CLPP: variants seen among roughly 807,000 people sequenced by gnomAD.
CLPP encodes ATP-dependent Clp protease proteolytic subunit, mitochondrial.
CLPP carries 14 observed loss-of-function variants against 27.4 expected under a neutral mutation model. The observed-to-expected ratio is 0.51, with a 90% CI of 0.34 to 0.80. The LOEUF (loss-of-function observed/expected upper bound fraction) is 0.80. CLPP is among the 30% of genes least tolerant of loss of function. The pLI, the probability that CLPP is intolerant of heterozygous loss-of-function variation, is 0.02. For missense variants in CLPP, 361 were observed against 403.6 expected, an observed-to-expected ratio of 0.89 and a Z score of 0.90; for synonymous variants, 193 against 166.6, an observed-to-expected ratio of 1.16 and a Z score of -1.22.
chr19:6,362,598 C>A, intron 3 of CLPP, 56 bp downstream of exon 3: 2 of 1,186,530 alleles, frequency 1.7e-6, no homozygotes, highest in Non-Finnish European at 1.3e-6. Context: ...ACGGGTGACT[C>A]AGGGGACCAG....
chr19:6,367,371 T>A (rs2091867827), intron 5 of CLPP, among the ~76,000 whole-genome samples: 1 of 128,234 alleles, frequency 7.8e-6, no homozygotes. Flanking sequence ...TGAGACCCTG[T>A]CTCAAAAAAA....
In CLPP at chr19:6,369,829, T is replaced by C. The variant is rs1490412036; in HGVS notation, c.*1119T>C. Reference sequence around the variant, plus strand: ...AAAAGTGGAGGTGATTGAGAATAGATCATAAAAGGCCTGACATCTAAAAGG... The same window carrying C: ...AAAAGTGGAGGTGATTGAGAATAGACCATAAAAGGCCTGACATCTAAAAGG... On this transcript the variant is annotated 3_prime_UTR_variant, in exon 6 of 6. Transcript: ENST00000245816. 1.3e-5 allele frequency among the ~76,000 whole-genome samples: 2 copies of C among 149,720 alleles called. No homozygotes were observed. The highest frequency in any genetic ancestry group is 3.0e-5 in the Non-Finnish European group (2 of 67,670).
chr19:6,366,112 C>T (rs1318120404), intron 4 of CLPP, 146 bp from the exon 5 acceptor site: 27 of 607,296 alleles, frequency 4.4e-5, no homozygotes, highest in South Asian at 2.8e-4. Flanking sequence ...AGCAGGATAT[C>T]GGGGGATTTA....
chr19:6,362,018 G>T, intron 2 of CLPP, 78 bp downstream of exon 2: 1 of 1,356,680 alleles, frequency 7.4e-7, no homozygotes, highest in South Asian at 1.2e-5. Flanking sequence ...TCCTTCCCTG[G>T]CCCCAGACTT....
chr19:6,362,865 A>C (rs1461346762), intron 3 of CLPP, among the ~76,000 whole-genome samples: 1 of 151,948 alleles, frequency 6.6e-6, no homozygotes, highest in South Asian at 2.1e-4. Flanking sequence ...AGGCGGGCGG[A>C]TTGCTCGAGC....
Position 6,364,439 on chromosome 19 carries a change from C to G in CLPP, c.368-13C>G. 6.3e-7 allele frequency: 1 copy of G among 1,599,210 alleles called. No individual in the cohort carries two copies. Among genetic ancestry groups the G allele is most frequent in the Non-Finnish European group, 8.5e-7 (1 of 1,174,682 alleles). On this transcript the variant is annotated splice_polypyrimidine_tract_variant and intron_variant, in intron 3 of 5. Coordinates refer to ENST00000245816, the MANE Select transcript of CLPP (RefSeq NM_006012.4). ...GAGCTGGTCCAGCCCCTCACTTGCT[C>G]CCCCGCCCACAGGTGGTGTGGTGAC...
chr19:6,367,258 C>T (rs1568323199), intron 5 of CLPP, among the ~76,000 whole-genome samples: 1 of 151,436 alleles, frequency 6.6e-6, no homozygotes, highest in African/African-American at 2.4e-5. Context: ...GCCTGTAATC[C>T]CAGCTACTGA....
rs1396087436 is a variant in CLPP at position 6,364,617 on chromosome 19, A to G, written c.533A>G (p.His178Arg). Residue 178 changes from histidine (H) to arginine (R), a missense_variant, in exon 4 of 6, where the codon CAC (histidine) becomes CGC (arginine). Physicochemically the swap from His to Arg is conservative, Grantham distance 29 (BLOSUM62 0). Transcript: ENST00000245816. ...HSLPNSRIMIHQPSGGARGQA... is the reference protein window; with the variant it reads ...HSLPNSRIMIRQPSGGARGQA... ...CTCCCCAACTCCCGTATCATGATCC[A>G]CCAGCCCTCAGGAGGCGCCCGGGTG... 4 of 1,611,642 alleles carry G rather than the reference A, an allele frequency of 2.5e-6. No individual in the cohort carries two copies. Among genetic ancestry groups the G allele is most frequent in the Admixed American group, 3.3e-5 (2 of 59,930 alleles).
chr19:6,364,646 G>C lies in CLPP; in HGVS notation c.555+7G>C. 1 of 1,605,214 alleles carries C rather than the reference G, an allele frequency of 6.2e-7. No homozygotes were observed. ...GCCCTCAGGAGGCGCCCGGGTGAGT[G>C]CCAGACACGCGAGCTGCTGTTGGGA... On this transcript the variant is annotated splice_region_variant and intron_variant, in intron 4 of 5. Coordinates refer to ENST00000245816, the MANE Select transcript of CLPP (RefSeq NM_006012.4).
chr19:6,361,601 G>T lies in CLPP; in HGVS notation c.27G>T (p.Gly9=), dbSNP rs2091833502. 2.1e-6 allele frequency: 3 copies of T among 1,413,264 alleles called. No individual in the cohort carries two copies. The highest frequency in any genetic ancestry group is 3.1e-5 in the Admixed American group (1 of 32,244). 87.5% of individuals were successfully genotyped at this position (1,413,264 alleles called of 1,614,324 possible). Residue 9 remains glycine, a synonymous_variant, in exon 1 of 6, where the codon GGG becomes GGT. Transcript: ENST00000245816. ...TGTGGCCCGGAATATTGGTAGGGGGGGCCCGGGTGGCGTCATGCAGGTACC... is the reference window on the plus strand; with the variant it reads ...TGTGGCCCGGAATATTGGTAGGGGGTGCCCGGGTGGCGTCATGCAGGTACC... The part of the protein sequence containing the change: MWPGILVG[G]ARVASCRYPA...
chr19:6,368,263 C>T (rs934268785), intron 5 of CLPP, among the ~76,000 whole-genome samples: 5 of 152,162 alleles, frequency 3.3e-5, no homozygotes, highest in South Asian at 2.1e-4. Flanking sequence ...TGCAGACGGC[C>T]GCCTTCTCGC....
intron 5 of CLPP, among the ~76,000 whole-genome samples, chr19:6,367,544 G>A (rs1034804452): frequency 7.9e-5 from 12 of 151,962 alleles, no homozygotes; most frequent in Non-Finnish European, 1.2e-4. Flanking sequence ...GGTATGGGGA[G>A]GGGGTGGCAA....
chr19:6,363,545 C>T (rs2091846937), intron 3 of CLPP, among the ~76,000 whole-genome samples: 1 of 152,146 alleles, frequency 6.6e-6, no homozygotes. Context: ...GGCCGTGTCA[C>T]TTGTTTTTGT....
chr19:6,361,679 G>A lies in CLPP; in HGVS notation c.105G>A (p.Gln35=). The A allele has an allele frequency of 6.9e-7, 1 of 1,445,644 alleles. No homozygotes were observed. Among genetic ancestry groups the A allele is most frequent in the Non-Finnish European group, 9.1e-7 (1 of 1,100,964 alleles). 89.6% of individuals were successfully genotyped at this position (1,445,644 alleles called of 1,614,324 possible). The change falls in exon 1 of 6, where the codon CAG becomes CAA. Residue 35 remains glutamine, a synonymous_variant. Transcript: ENST00000245816. ...ACTTTCCAGCGCAGCGGCCGCCGCA[G>A]CGGACACTCCAGAACGGCCTGGCCC... ...AAHFPAQRPP[Q]RTLQNGLALQ... is the part of the protein sequence containing the mutation.
At chr19:6,367,640 G>T (rs1276801087) in intron 5 of CLPP, among the ~76,000 whole-genome samples, 1 of 151,806 alleles carries the variant, frequency 6.6e-6, no homozygotes, top group African/African-American at 2.4e-5. Context: ...GTCCTGTAGG[G>T]TATGTTCAGT....
At position 6,366,285 on chromosome 19, in the gene CLPP, G is replaced by A; in HGVS notation, c.583G>A (p.Ala195Thr). The A allele has an allele frequency of 6.2e-7, 1 of 1,612,478 alleles. No individual in the cohort carries two copies. The highest frequency in any genetic ancestry group is 8.5e-7 in the Non-Finnish European group (1 of 1,179,268). ...RGQATDIAIQAEEIMKLKKQL... is the reference protein window; with the variant it reads ...RGQATDIAIQTEEIMKLKKQL... ...CCAAGCCACAGACATTGCCATCCAG[G>A]CAGAGGAGATCATGAAGCTCAAGAA... Residue 195 changes from alanine (A) to threonine (T), a missense_variant, in exon 5 of 6, where the codon GCA (alanine) becomes ACA (threonine). Physicochemically the swap from Ala to Thr is moderately conservative, Grantham distance 58 (BLOSUM62 0). Around this residue, in one of 2 missense-constraint regions of CLPP, gnomAD observed 213 missense variants for 280.9 expected, o/e 0.76. Transcript: ENST00000245816.
At chr19:6,361,977 C>T in intron 2 of CLPP, 37 bp downstream of exon 2, 3 of 1,578,788 alleles carry the variant, frequency 1.9e-6, no homozygotes, top group Non-Finnish European at 2.6e-6. Flanking sequence ...CCAGGACTCT[C>T]CCAAGCGCCT....
chr19:6,364,605 G>C lies in CLPP; in HGVS notation c.521G>C (p.Arg174Pro). 1 of 1,612,562 alleles carries C rather than the reference G, an allele frequency of 6.2e-7. No individual in the cohort carries two copies. The highest frequency in any genetic ancestry group is 8.5e-7 in the Non-Finnish European group (1 of 1,179,800). Reference protein sequence around the residue: ...PGMRHSLPNSRIMIHQPSGGA... With the variant: ...PGMRHSLPNSPIMIHQPSGGA... ...ATGCGCCACTCGCTCCCCAACTCCCGTATCATGATCCACCAGCCCTCAGGA... is the reference window on the plus strand; with the variant it reads ...ATGCGCCACTCGCTCCCCAACTCCCCTATCATGATCCACCAGCCCTCAGGA... The change falls in exon 4 of 6, where the codon CGT becomes CCT. Residue 174 changes from arginine (R) to proline (P), a missense_variant. By Grantham distance (103) the Arg-to-Pro change is moderately radical (BLOSUM62 -2). Around this residue, in one of 2 missense-constraint regions of CLPP, gnomAD observed 213 missense variants for 280.9 expected, o/e 0.76. Coordinates refer to ENST00000245816, the MANE Select transcript of CLPP (RefSeq NM_006012.4).
At chr19:6,367,570 G>A (rs1057247429) in intron 5 of CLPP, among the ~76,000 whole-genome samples, 10 of 151,880 alleles carry the variant, frequency 6.6e-5, no homozygotes, top group East Asian at 3.9e-4. Flanking sequence ...AGTGACTGTC[G>A]TGGGCCCAAG....
Sources: gnomAD v4.1 joint callset for allele counts (sites outside exome capture counted in the v4.1 genomes callset) on GRCh38, gnomAD v4.1.1 for gene constraint, gnomAD v4.1.1 regional missense constraint, MANE v1.5 for transcripts, NCBI Gene and HGNC (gene_info 2026-07-23, HGNC 2026-07-21) for gene names.